BICDL2: variants seen among roughly 807,000 people sequenced by gnomAD.
The protein encoded by BICDL2 is BICD family-like cargo adapter 2.
BICDL2 carries 62 observed loss-of-function variants against 56.6 expected under a neutral mutation model. That is an observed-to-expected ratio of 1.10 (90% CI 0.89 to 1.35). BICDL2 has a LOEUF of 1.35. Among genes scored for constraint, BICDL2 ranks in the 40% most tolerant of loss-of-function variants. The probability of loss-of-function intolerance (pLI) is 0.00; values close to 1 mark genes in which losing one functional copy is unlikely to be tolerated. For missense variants in BICDL2, 808 were observed against 684.5 expected (o/e 1.18, Z -2.01); for synonymous variants, 358 against 319.8 (o/e 1.12, Z -1.27).
chr16:3,028,650 C>T, intron 8 of BICDL2, 50 bp downstream of exon 8: 1 of 1,545,894 alleles, frequency 6.5e-7, no homozygotes, highest in Non-Finnish European at 8.7e-7. Context: ...ATCAGGAGCC[C>T]AGGAGGGCCC....
At chr16:3,029,160 T>G (rs2151139843) in intron 7 of BICDL2, 120 bp downstream of exon 7, 990 of 1,251,266 alleles carry the variant, frequency 7.9e-4, no homozygotes, top group Non-Finnish European at 1.0e-3. Flanking sequence ...GTAAGTTTGT[T>G]GAGATGAAAG....
rs762890895 is a variant in BICDL2, at chr16:3,028,868, C to A, written c.1108-38G>T. ...GAGGGGGGCCGTGCGGCAGATGGGC[C>A]AATGGGCCTCCCTGCTTCTCCCAGC... On this transcript the variant is annotated intron_variant, in intron 7 of 9. Coordinates refer to ENST00000572449, the MANE Select transcript of BICDL2 (RefSeq NM_001369667.1). 1.7e-4 allele frequency: 261 copies of A among 1,517,588 alleles called. 4 individuals carry two copies. In the South Asian group the frequency reaches 2.1e-3, roughly 12 times the overall value. The allele number at this position is 1,517,588 out of a possible 1,614,324, so 94.0% of individuals were successfully genotyped here.
rs1955587425 is a variant in BICDL2, at chr16:3,028,365, C to T, written c.1342G>A (p.Glu448Lys). 3 of 1,550,412 alleles carry T rather than the reference C, an allele frequency of 1.9e-6. No individual in the cohort carries two copies. The highest frequency in any genetic ancestry group is 1.7e-6 in the Non-Finnish European group (2 of 1,156,038). Residue 448 changes from glutamate to lysine, a missense_variant, in exon 9 of 10, where the codon GAG becomes AAG. Transcript: ENST00000572449. ...CCCCTCACCTGCCAGGCCTCCAGCT[C>T]CTGCGTGAGCGCCACCTTCTGGCGG... ...AIRQKVALTQELEAWQDDMQV... is the reference protein window; with the variant it reads ...AIRQKVALTQKLEAWQDDMQV...
At chr16:3,028,653 G>A in intron 8 of BICDL2, 47 bp downstream of exon 8, 2 of 1,547,996 alleles carry the variant, frequency 1.3e-6, no homozygotes, top group Non-Finnish European at 1.7e-6. Flanking sequence ...AGGAGCCCAG[G>A]AGGGCCCAGA....
In BICDL2 at chr16:3,036,934, G is replaced by C. The variant is rs997001173; in HGVS notation, c.-71C>G. On this transcript the variant is annotated 5_prime_UTR_variant, in exon 1 of 10. Transcript: ENST00000572449. ...TCCCTCCGAGGTCCCCGCGGTCTCC[G>C]GTCCCCTCTTCCGGAGGCGGCTCCA... The C allele has an allele frequency of 4.0e-6, 1 of 250,132 alleles. No homozygotes were observed. The highest frequency in any genetic ancestry group is 7.9e-6 in the Non-Finnish European group (1 of 125,836). 15.5% of individuals were successfully genotyped at this position (250,132 alleles called of 1,614,324 possible). A position where few individuals can be genotyped will look rare whatever the true frequency, so the allele number is the denominator to read the frequency against.
Position 3,028,018 on chromosome 16 carries a change from G to C in BICDL2, c.*88C>G. ...GGCGGGGAGGGCATCAGCTTCTTTT[G>C]GAAGACAATCTGGGCCCTGTCGCTC... On this transcript the variant is annotated 3_prime_UTR_variant, in exon 10 of 10. Coordinates refer to ENST00000572449, the MANE Select transcript of BICDL2 (RefSeq NM_001369667.1). 2 of 1,373,548 alleles carry C rather than the reference G, an allele frequency of 1.5e-6. No homozygotes were observed. Among genetic ancestry groups the C allele is most frequent in the Non-Finnish European group, 1.9e-6 (2 of 1,063,592 alleles). The allele number at this position is 1,373,548 out of a possible 1,614,324, so 85.1% of individuals were successfully genotyped here. A position where few individuals can be genotyped will look rare whatever the true frequency, so the allele number is the denominator to read the frequency against.
Position 3,027,686 on chromosome 16 carries a change from GGTTTTAGAGTGTTTTTCATTTTCTT to G in BICDL2, c.*395_*419del, listed in dbSNP as rs751201550. On this transcript the variant is annotated 3_prime_UTR_variant, in exon 10 of 10. Coordinates refer to ENST00000572449, the MANE Select transcript of BICDL2 (RefSeq NM_001369667.1). ...CTGACGACACCCCCAGCCAGCTCAG[GGTTTTAGAGTGTTTTTCATTTTCTT>G]TTTTTTTTTTTTTTTACAATAAAGT... The G allele has an allele frequency of 1.1e-5, 18 of 1,571,664 alleles. No individual in the cohort carries two copies. In the African/African-American group the frequency reaches 2.4e-4, roughly 21 times the overall value.
At chr16:3,030,259 C>G in intron 5 of BICDL2, 190 bp downstream of exon 5, 1 of 685,932 alleles carries the variant, frequency 1.5e-6, no homozygotes. Flanking sequence ...GGCTCTGATG[C>G]ACTCTAAGAG....
chr16:3,029,526 TG>T lies in BICDL2; in HGVS notation c.957+18del. The T allele has an allele frequency of 1.3e-6, 2 of 1,558,290 alleles. No individual in the cohort carries two copies. The highest frequency in any genetic ancestry group is 8.6e-7 in the Non-Finnish European group (1 of 1,158,426). ...CTCTCGATGGCACAGGTAAGGGGGC[TG>T]GGGCCCCACGAGCTCACCGGGGTGT... On this transcript the variant is annotated intron_variant, in intron 6 of 9. Transcript: ENST00000572449.
At chr16:3,029,945 C>T (rs1318758808) in intron 5 of BICDL2, 2 of 541,684 alleles carry the variant, frequency 3.7e-6, no homozygotes, top group South Asian at 2.5e-5. Flanking sequence ...AGAGCAGGGC[C>T]GCACCTCGAA....
Position 3,027,917 on chromosome 16 carries a change from G to T in BICDL2, c.*189C>A. On this transcript the variant is annotated 3_prime_UTR_variant, in exon 10 of 10. Coordinates refer to ENST00000572449, the MANE Select transcript of BICDL2 (RefSeq NM_001369667.1). ...TTCACCTGCCCCTGCCACCCACCTG[G>T]AGCTCCTGCCCCACAAAGCTGGCCC... 1 of 930,370 alleles carries T rather than the reference G, an allele frequency of 1.1e-6. No homozygotes were observed. Among genetic ancestry groups the T allele is most frequent in the Non-Finnish European group, 1.5e-6 (1 of 659,886 alleles). The allele number at this position is 930,370 out of a possible 1,614,324, so 57.6% of individuals were successfully genotyped here.
chr16:3,036,757 GCCGGCGCCCCCGGTTCC>G (rs1000525687), intron 1 of BICDL2, 120 bp downstream of exon 1: 9 of 372,810 alleles, frequency 2.4e-5, no homozygotes, highest in Non-Finnish European at 4.2e-5. Context: ...CTGAGTTCCT[GCCGGCGCCCCCGGTTCC>G]CCGGCGATCC....
intron 1 of BICDL2, 93 bp downstream of exon 1, chr16:3,036,801 G>T (rs1955739373): frequency 1.2e-5 from 4 of 336,932 alleles, no homozygotes; most frequent in South Asian, 6.3e-5. Context: ...CCCTGCCCCC[G>T]CCCCGGCTCC....
chr16:3,035,396 C>T lies in BICDL2; in HGVS notation c.101G>A (p.Arg34Gln), dbSNP rs758906156. 5.0e-5 allele frequency: 80 copies of T among 1,611,536 alleles called. No homozygotes were observed. The highest frequency in any genetic ancestry group is 1.5e-4 in the African/African-American group (11 of 74,906). ...EGFFPFVLER[R>Q]DSFLGGGPGP... Reference sequence around the variant, plus strand: ...TGGGCCCCCTCCCAGGAATGAGTCCCGCCGCTCCAGCACAAAGGGGAAGAA... The same window carrying T: ...TGGGCCCCCTCCCAGGAATGAGTCCTGCCGCTCCAGCACAAAGGGGAAGAA... Residue 34 changes from arginine to glutamine, a missense_variant, in exon 2 of 10, where the codon CGG becomes CAG. Arg to Gln is a conservative substitution (Grantham distance 43). Transcript: ENST00000572449.
intron 2 of BICDL2, chr16:3,035,005 C>G (rs1459769891): frequency 1.7e-6 from 1 of 587,480 alleles, no homozygotes; most frequent in South Asian, 2.2e-5. Flanking sequence ...GTACTGTGCC[C>G]GGCACCCAGA....
Position 3,029,570 on chromosome 16 carries a change from C to T in BICDL2, c.932G>A (p.Gly311Asp), listed in dbSNP as rs1248247680. ...HSLDDGDQGQ[G>D]ADAPGDTPTT... is the part of the protein sequence containing the mutation. The stretch of plus-strand genomic sequence containing the variant: ...CGGGGTGTCTCCGGGTGCGTCGGCG[C>T]CCTGGCCCTGGTCGCCGTCGTCGAG... The change falls in exon 6 of 10, where the codon GGC becomes GAC. Residue 311 changes from glycine (G) to aspartate (D), a missense_variant. By Grantham distance (94) the Gly-to-Asp change is moderately conservative. Transcript: ENST00000572449. 3 of 1,546,158 alleles carry T rather than the reference C, an allele frequency of 1.9e-6. No homozygotes were observed. The highest frequency in any genetic ancestry group is 2.4e-5 in the South Asian group (2 of 84,774).
At chr16:3,029,500 C>T (rs757158464) in intron 6 of BICDL2, 45 bp downstream of exon 6, 1 of 1,570,532 alleles carries the variant, frequency 6.4e-7, no homozygotes, top group Non-Finnish European at 8.6e-7. Flanking sequence ...AGCCTGCAAC[C>T]CTCTCGATGG....
At chr16:3,031,552 C>A (rs934279428) in intron 2 of BICDL2, 9 of 418,828 alleles carry the variant, frequency 2.1e-5, no homozygotes, top group Admixed American at 8.0e-5. Flanking sequence ...TCTGCCCAGC[C>A]CCCTCCCCAG....
In BICDL2 at chr16:3,027,814, C is replaced by A. The variant is rs573266579; in HGVS notation, c.*292G>T. On this transcript the variant is annotated 3_prime_UTR_variant, in exon 10 of 10. Transcript: ENST00000572449. The stretch of plus-strand genomic sequence containing the variant: ...GGAGTGATTTATATATTACTCTGTC[C>A]GATCTTGATACATAAATACCCAGCC... 7.3e-5 allele frequency: 65 copies of A among 887,530 alleles called. No individual in the cohort carries two copies. The African/African-American group carries it at 1.0e-3, about 14-fold the overall frequency. 55.0% of individuals were successfully genotyped at this position (887,530 alleles called of 1,614,324 possible).
Sources: gnomAD v4.1 joint callset for allele counts on GRCh38, gnomAD v4.1.1 for gene constraint, MANE v1.5 for transcripts, NCBI Gene and HGNC (gene_info 2026-07-23, HGNC 2026-07-21) for gene names.